Variants in TRHDE observed in about 807,000 individuals in gnomAD.
TRHDE encodes thyrotropin releasing hormone degrading enzyme, also known as thyrotropin-releasing hormone-degrading ectoenzyme.
Under a neutral mutation model 125.7 loss-of-function variants are expected in TRHDE, and 72 were observed. The ratio of observed to expected loss-of-function variants is 0.57; its 90% CI spans 0.47 to 0.70. TRHDE has a LOEUF of 0.70. TRHDE is among the 30% of genes least tolerant of loss of function. The pLI is 0.00. For missense variants in TRHDE, 1,110 were observed against 1,327.1 expected (o/e 0.84, Z 2.54); for synonymous variants, 509 against 509.1 (o/e 1.00, Z 0.00).
Position 72,568,612 on chromosome 12 carries a change from G to A in TRHDE, c.2087G>A (p.Ser696Asn), listed in dbSNP as rs1213305642. Residue 696 changes from serine to asparagine, a missense_variant, in exon 10 of 19, where the codon AGC becomes AAC. By Grantham distance (46) the Ser-to-Asn change is conservative. Transcript: ENST00000261180. ...IPLTIVVGNR[S>N]HVSSEAIIWV... ...TTAACTATTGTGGTAGGAAATAGAA[G>A]CCATGTGTCTTCAGAAGCAATTATT... 1.1e-5 allele frequency: 18 copies of A among 1,611,938 alleles called. No homozygotes were observed. Among genetic ancestry groups the A allele is most frequent in the Non-Finnish European group, 1.5e-5 (18 of 1,178,616 alleles).
chr12:72,435,880 CAG>C (rs1365487443), intron 3 of TRHDE, among the ~76,000 whole-genome samples: 1 of 151,648 alleles, frequency 6.6e-6, no homozygotes, highest in African/African-American at 2.4e-5. Context: ...TACAAGCAAA[CAG>C]AGAGTTTCTG....
chr12:72,169,900 T>C (rs975105125), intron 2 of TRHDE, among the ~76,000 whole-genome samples: 27 of 152,190 alleles, frequency 1.8e-4, no homozygotes, highest in African/African-American at 5.8e-4. Flanking sequence ...TAATCACAGC[T>C]TTAGTGGAAT....
intron 2 of TRHDE, among the ~76,000 whole-genome samples, chr12:72,319,176 C>T (rs1200287696): frequency 6.6e-6 from 1 of 152,148 alleles, no homozygotes; most frequent in Non-Finnish European, 1.5e-5. Context: ...GCTGATGACA[C>T]AGGACTGAAG....
intron 5 of TRHDE, among the ~76,000 whole-genome samples, chr12:72,487,387 C>T (rs1056749141): frequency 1.3e-5 from 2 of 151,938 alleles, no homozygotes; most frequent in African/African-American, 4.8e-5. Flanking sequence ...TTAAAAGCAG[C>T]AAGAGAAAAG....
chr12:72,376,898 A>G (rs1871911552), intron 2 of TRHDE, among the ~76,000 whole-genome samples: 1 of 152,058 alleles, frequency 6.6e-6, no homozygotes, highest in Non-Finnish European at 1.5e-5. Context: ...ATATTTGAAA[A>G]GAACACAAAT....
intron 3 of TRHDE, among the ~76,000 whole-genome samples, chr12:72,380,092 A>G (rs1034631688): frequency 6.6e-6 from 1 of 152,200 alleles, no homozygotes; most frequent in African/African-American, 2.4e-5. Context: ...GGTGATGCAT[A>G]TGGATGTATC....
chr12:72,118,243 G>GT (rs970527125), intron 2 of TRHDE, among the ~76,000 whole-genome samples: 7 of 151,002 alleles, frequency 4.6e-5, no homozygotes, highest in Admixed American at 6.6e-5. Flanking sequence ...AGTTTTATGA[G>GT]TTTTTTTTTA....
intron 2 of TRHDE, among the ~76,000 whole-genome samples, chr12:72,164,346 G>C (rs768974523): frequency 7.2e-5 from 11 of 152,168 alleles, no homozygotes; most frequent in Non-Finnish European, 1.6e-4. Context: ...AGGCGGAAGG[G>C]TAAGGGTGGT....
At position 72,299,441 on chromosome 12, in the gene TRHDE, T is replaced by C. The variant is rs532217645; in HGVS notation, c.1188+12487T>C. ...ATTTGGGGAGGAACTGGCAAATGCC[T>C]AAAACCAATCACTACCCATATGTGC... is the stretch of plus-strand genomic sequence containing the variant. On this transcript the variant is annotated intron_variant, in intron 2 of 18. Transcript: ENST00000261180. 5.3e-5 allele frequency among the ~76,000 whole-genome samples: 8 copies of C among 152,340 alleles called. No individual in the cohort carries two copies. The South Asian group carries it at 1.7e-3, about 32-fold the overall frequency.
At chr12:72,490,209 TAGCC>T (rs1204971530) in intron 5 of TRHDE, among the ~76,000 whole-genome samples, 1 of 151,672 alleles carries the variant, frequency 6.6e-6, no homozygotes. Flanking sequence ...GACATAAAAA[TAGCC>T]AGCAGATATA....
chr12:72,251,294 C>T (rs564200288), intron 2 of TRHDE, among the ~76,000 whole-genome samples: 6 of 152,040 alleles, frequency 3.9e-5, no homozygotes, highest in South Asian at 4.2e-4. Context: ...TGCACTCTTC[C>T]GGCCCTCTCA....
At position 72,273,846 on chromosome 12, in the gene TRHDE, A is replaced by G; in HGVS notation, c.914+289A>G. On this transcript the variant is annotated intron_variant, in intron 1 of 18. Coordinates refer to ENST00000261180, the MANE Select transcript of TRHDE (RefSeq NM_013381.3). This position sits in a 1 kb window ranked among gnomAD's most constrained non-coding sequence, Gnocchi z 5.3. ...TCCTGTCAGAGTTCCTTAGCCATCG[A>G]AACGCAGGGCTCTTTTTCTGAAGGG... The G allele has an allele frequency of 2.6e-6, 1 of 379,694 alleles. No individual in the cohort carries two copies. The allele number at this position is 379,694 out of a possible 1,614,324, so 23.5% of individuals were successfully genotyped here. A position where few individuals can be genotyped will look rare whatever the true frequency, so the allele number is the denominator to read the frequency against.
At chr12:72,529,422 C>A (rs1868429325) in intron 6 of TRHDE, among the ~76,000 whole-genome samples, 1 of 151,976 alleles carries the variant, frequency 6.6e-6, no homozygotes, top group African/African-American at 2.4e-5. Flanking sequence ...CTTTCTTAAC[C>A]CCCTGTCCCT....
intron 2 of TRHDE, chr12:72,264,016 C>G (rs930401490): frequency 6.6e-6 from 1 of 152,048 alleles, no homozygotes; most frequent in Admixed American, 6.6e-5. Flanking sequence ...TGAAATGACT[C>G]CATAAATGCG....
intron 15 of TRHDE, among the ~76,000 whole-genome samples, chr12:72,640,023 G>A (rs1873973175): frequency 3.3e-5 from 5 of 152,248 alleles, no homozygotes; most frequent in Admixed American, 2.6e-4. Flanking sequence ...GAGCTGTGGT[G>A]GGCTCCACCC....
intron 2 of TRHDE, among the ~76,000 whole-genome samples, chr12:72,113,535 T>C (rs1474303873): frequency 2.0e-5 from 3 of 152,014 alleles, no homozygotes; most frequent in African/African-American, 7.2e-5. Flanking sequence ...TGAACTCAAG[T>C]GATCCTCCTG....
chr12:72,309,964 G>A (rs547443482), intron 2 of TRHDE, among the ~76,000 whole-genome samples: 19 of 152,102 alleles, frequency 1.2e-4, no homozygotes, highest in Non-Finnish European at 2.1e-4. Context: ...ACAGTGAAAC[G>A]CTGATCATTC....
chr12:72,394,643 T>C (rs1872723325), intron 3 of TRHDE, among the ~76,000 whole-genome samples: 1 of 152,196 alleles, frequency 6.6e-6, no homozygotes, highest in Admixed American at 6.5e-5. Flanking sequence ...TTCCTGAAAC[T>C]TGGCTATATG....
intron 1 of TRHDE, among the ~76,000 whole-genome samples, chr12:72,280,679 A>T (rs1469229110): frequency 1.3e-5 from 2 of 152,206 alleles, no homozygotes; most frequent in African/African-American, 2.4e-5. Context: ...AGAGAAACAC[A>T]CAAGTCTCTG....
Sources: allele counts gnomAD v4.1 joint callset (sites outside exome capture counted in the v4.1 genomes callset), GRCh38; gene constraint gnomAD v4.1.1; non-coding constraint Gnocchi (gnomAD v3.1); transcripts MANE v1.5; gene names NCBI Gene and HGNC (gene_info 2026-07-23, HGNC 2026-07-21).